SFMBT2: variants seen among roughly 807,000 people sequenced by gnomAD.
SFMBT2 encodes Scm like with four mbt domains 2.
SFMBT2 carries 38 observed loss-of-function variants against 110.1 expected under a neutral mutation model. That is an observed-to-expected ratio of 0.35 (90% CI 0.27 to 0.45). SFMBT2 has a LOEUF of 0.45. Ranked by LOEUF, SFMBT2 falls within the 20% of genes least tolerant of loss-of-function variation. The pLI is 1.00. For missense variants in SFMBT2, 1,011 were observed against 1,094.9 expected, an observed-to-expected ratio of 0.92 and a Z score of 1.08; for synonymous variants, 425 against 425.4, an observed-to-expected ratio of 1.00 and a Z score of 0.01.
chr10:7,281,126 G>C (rs1045683918), intron 6 of SFMBT2, among the ~76,000 whole-genome samples: 11 of 152,114 alleles, frequency 7.2e-5, no homozygotes, highest in African/African-American at 2.7e-4. Flanking sequence ...CATGCCTGTA[G>C]TTCCAGCCAC....
Position 7,189,676 on chromosome 10 carries a change from T to C in SFMBT2, c.1699-943A>G, listed in dbSNP as rs144293993. On this transcript the variant is annotated intron_variant, in intron 15 of 20. Transcript: ENST00000397167. The stretch of plus-strand genomic sequence containing the variant: ...TCTGTGAAGCTCCACTGAGTGACAG[T>C]AGCAGGAACAAGACGGGGGAGCACG... Among the ~76,000 whole-genome samples, 115 of 152,304 alleles carry C rather than the reference T, an allele frequency of 7.6e-4. 1 individual carries two copies. Among genetic ancestry groups the C allele is most frequent in the Non-Finnish European group, 1.5e-3 (102 of 68,018 alleles).
chr10:7,348,470 C>A (rs544782694), intron 4 of SFMBT2: 4 of 613,158 alleles, frequency 6.5e-6, no homozygotes, highest in South Asian at 6.2e-5. Context: ...ATTGTTTAAT[C>A]AACTCTACTT....
chr10:7,223,964 A>G (rs891573597), intron 10 of SFMBT2, among the ~76,000 whole-genome samples: 3 of 152,144 alleles, frequency 2.0e-5, no homozygotes, highest in African/African-American at 7.2e-5. Context: ...GCTTGAAAAT[A>G]CTTGTCTGCT....
chr10:7,313,560 T>C (rs925276607), intron 4 of SFMBT2, among the ~76,000 whole-genome samples: 5 of 152,232 alleles, frequency 3.3e-5, no homozygotes, highest in Admixed American at 6.5e-5. Flanking sequence ...TCAAGTGATC[T>C]GGCCTTCCAA....
Position 7,370,371 on chromosome 10 carries a change from T to G in SFMBT2, c.105A>C (p.Glu35Asp), listed in dbSNP as rs755396397. 1 of 1,613,986 alleles carries G rather than the reference T, an allele frequency of 6.2e-7. No individual in the cohort carries two copies. Among genetic ancestry groups the G allele is most frequent in the Non-Finnish European group, 8.5e-7 (1 of 1,179,854 alleles). ...ANGNGDLDSEEGSSLEETGFN... is the reference protein window; with the variant it reads ...ANGNGDLDSEDGSSLEETGFN... ...AGCCAGTTTCCTCCAAGCTTGAGCC[T>G]TCTTCTGTTGAAAAACAAAAGAACA... Residue 35 changes from glutamate (E) to aspartate (D), a missense_variant, in exon 3 of 21, where the codon GAA (glutamate) becomes GAC (aspartate). Physicochemically the swap from Glu to Asp is conservative, Grantham distance 45. Coordinates refer to ENST00000397167, the MANE Select transcript of SFMBT2 (RefSeq NM_001387889.1).
intron 4 of SFMBT2, among the ~76,000 whole-genome samples, chr10:7,309,080 G>C (rs183384760): frequency 1.3e-4 from 20 of 152,320 alleles, no homozygotes; most frequent in African/African-American, 3.8e-4. Flanking sequence ...GTGCATCCGC[G>C]AGGGTGTTTC....
chr10:7,178,944 C>T (rs1457839836), intron 16 of SFMBT2, among the ~76,000 whole-genome samples: 1 of 152,178 alleles, frequency 6.6e-6, no homozygotes, highest in African/African-American at 2.4e-5. Context: ...GTTCACATAT[C>T]ACCAAACTAC....
intron 4 of SFMBT2, among the ~76,000 whole-genome samples, chr10:7,354,533 A>C (rs1455980844): frequency 1.3e-5 from 2 of 152,174 alleles, no homozygotes; most frequent in African/African-American, 4.8e-5. Context: ...GTCTATTCTC[A>C]GGCAGATCAG....
rs1838048528 is a variant in SFMBT2, at chr10:7,176,140, C to T, written c.1834G>A (p.Val612Met). ...AKYRGKTYRA[V>M]VKIVRTSDQV... Reference sequence around the variant, plus strand: ...TCAGATGTCCGTACGATTTTGACCACAGCCCTGTATGTTTTGCCTCTGTAT... The same window carrying T: ...TCAGATGTCCGTACGATTTTGACCATAGCCCTGTATGTTTTGCCTCTGTAT... The change falls in exon 17 of 21, where the codon GTG becomes ATG. Residue 612 changes from valine (V) to methionine (M), a missense_variant. Physicochemically the swap from Val to Met is conservative, Grantham distance 21. Coordinates refer to ENST00000397167, the MANE Select transcript of SFMBT2 (RefSeq NM_001387889.1). The T allele has an allele frequency of 1.2e-6, 2 of 1,614,182 alleles. No individual in the cohort carries two copies. Among genetic ancestry groups the T allele is most frequent in the South Asian group, 1.1e-5 (1 of 91,088 alleles).
intron 7 of SFMBT2, among the ~76,000 whole-genome samples, chr10:7,256,842 C>A (rs1228878680): frequency 6.6e-6 from 1 of 152,012 alleles, no homozygotes; most frequent in African/African-American, 2.4e-5. Flanking sequence ...GATTGCTGAC[C>A]CTGAGAAGCT....
intron 7 of SFMBT2, among the ~76,000 whole-genome samples, chr10:7,266,394 G>C (rs542312923): frequency 1.2e-4 from 18 of 152,278 alleles, no homozygotes; most frequent in African/African-American, 4.1e-4. Flanking sequence ...CCAGTCCAGG[G>C]TTTTCTAATT....
intron 4 of SFMBT2, among the ~76,000 whole-genome samples, chr10:7,319,127 T>C (rs1185020048): frequency 6.6e-6 from 1 of 152,190 alleles, no homozygotes; most frequent in South Asian, 2.1e-4. Context: ...CTTTAAACTA[T>C]GTCCCTCAGA....
In SFMBT2 at chr10:7,295,640, T is replaced by C. The variant is rs1842388009; in HGVS notation, c.437-9686A>G. 2.6e-5 allele frequency among the ~76,000 whole-genome samples: 4 copies of C among 152,264 alleles called. No individual in the cohort carries two copies. In the South Asian group the frequency reaches 8.3e-4, roughly 32 times the overall value. ...TGCCATTTCTTTTTATTTTTTATTT[T>C]TTTGTATTTGCATAGTTTGTAACTG... On this transcript the variant is annotated intron_variant, in intron 4 of 20. Coordinates refer to ENST00000397167, the MANE Select transcript of SFMBT2 (RefSeq NM_001387889.1).
chr10:7,171,381 G>C lies in SFMBT2; in HGVS notation c.2416-325C>G, dbSNP rs1837867709. 1.0e-6 allele frequency: 1 copy of C among 985,214 alleles called. No individual in the cohort carries two copies. The highest frequency in any genetic ancestry group is 1.2e-6 in the Non-Finnish European group (1 of 829,872). The allele number at this position is 985,214 out of a possible 1,614,324, so 61.0% of individuals were successfully genotyped here. The stretch of plus-strand genomic sequence containing the variant: ...TTAGAGAAAAGAGGAGAAATACAAG[G>C]GGCACGTCCAAGCAGACACGAGACA... On this transcript the variant is annotated intron_variant, in intron 19 of 20. Transcript: ENST00000397167. The surrounding 1 kb of genome is among the most constrained non-coding windows in gnomAD (Gnocchi z 4.9).
At chr10:7,317,871 G>T (rs150465278) in intron 4 of SFMBT2, among the ~76,000 whole-genome samples, 37 of 152,280 alleles carry the variant, frequency 2.4e-4, no homozygotes, top group Non-Finnish European at 3.2e-4. Flanking sequence ...AGACAAAATT[G>T]TATCTCTGGA....
chr10:7,200,540 A>G (rs1307331334), intron 13 of SFMBT2, 56 bp from the exon 14 acceptor site: 18 of 1,427,254 alleles, frequency 1.3e-5, no homozygotes, highest in Non-Finnish European at 1.6e-5. Flanking sequence ...AGGAACTACT[A>G]CATTCCAAAG....
In SFMBT2 at chr10:7,238,237, G is replaced by A. The variant is rs190508094; in HGVS notation, c.1120+5321C>T. ...GACTCACTAGCGGCCTGAAACAGGT[G>A]GCTGTGAGGAGAAGTGGTGAGACTC... On this transcript the variant is annotated intron_variant, in intron 9 of 20. Transcript: ENST00000397167. Among the ~76,000 whole-genome samples, 670 of 152,320 alleles carry A rather than the reference G, an allele frequency of 4.4e-3. 3 individuals are homozygous for A. Among genetic ancestry groups the A allele is most frequent in the Middle Eastern group, 0.014 (4 of 294 alleles).
intron 4 of SFMBT2, among the ~76,000 whole-genome samples, chr10:7,294,862 T>A (rs892722806): frequency 6.6e-6 from 1 of 152,226 alleles, no homozygotes; most frequent in African/African-American, 2.4e-5. Flanking sequence ...TTTTTTGTTT[T>A]ACTCATCATC....
intron 20 of SFMBT2, among the ~76,000 whole-genome samples, chr10:7,164,738 T>C (rs1006125057): frequency 1.4e-5 from 2 of 138,756 alleles, no homozygotes; most frequent in Non-Finnish European, 3.0e-5. Flanking sequence ...CAGGTTTCCA[T>C]AAAGGGAAAC....
Sources: allele counts gnomAD v4.1 joint callset (sites outside exome capture counted in the v4.1 genomes callset), GRCh38; gene constraint gnomAD v4.1.1; non-coding constraint Gnocchi (gnomAD v3.1); transcripts MANE v1.5; gene names NCBI Gene and HGNC (gene_info 2026-07-23, HGNC 2026-07-21).